DENND5B: variants seen among roughly 807,000 people sequenced by gnomAD.
DENND5B encodes the protein DENN domain-containing protein 5B.
Under a neutral mutation model 140.6 loss-of-function variants are expected in DENND5B, and 34 were observed. That is an observed-to-expected ratio of 0.24 (90% CI 0.18 to 0.32). DENND5B has a LOEUF of 0.32. Ranked by LOEUF, DENND5B falls within the 10% of genes least tolerant of loss-of-function variation. The pLI is 1.00. For missense variants in DENND5B, 1,142 were observed against 1,560.2 expected (o/e 0.73, Z 4.52); for synonymous variants, 551 against 562.1 (o/e 0.98, Z 0.28).
intron 2 of DENND5B, among the ~76,000 whole-genome samples, chr12:31,485,567 A>C (rs569932908): frequency 6.6e-6 from 1 of 152,358 alleles, no homozygotes; most frequent in East Asian, 1.9e-4. Flanking sequence ...ACACGTAAGT[A>C]TGGTTTTGTT....
chr12:31,415,259 A>T, intron 12 of DENND5B, 108 bp downstream of exon 12: 1 of 818,872 alleles, frequency 1.2e-6, no homozygotes, highest in Non-Finnish European at 1.9e-6. Context: ...TTCAGAATAC[A>T]TAAGCCAAAA....
chr12:31,498,778 G>T (rs1324104582), intron 1 of DENND5B, among the ~76,000 whole-genome samples: 1 of 151,976 alleles, frequency 6.6e-6, no homozygotes, highest in Admixed American at 6.6e-5. Flanking sequence ...TTCGAGACCA[G>T]CCTGGCGAAC....
chr12:31,475,411 T>C (rs1289467762), intron 3 of DENND5B, among the ~76,000 whole-genome samples: 2 of 151,998 alleles, frequency 1.3e-5, no homozygotes, highest in Admixed American at 6.6e-5. Flanking sequence ...CTGAAATAAA[T>C]TGGTAGATAT....
intron 1 of DENND5B, among the ~76,000 whole-genome samples, chr12:31,504,457 C>G (rs965374576): frequency 6.6e-6 from 1 of 152,144 alleles, no homozygotes; most frequent in Non-Finnish European, 1.5e-5. Context: ...AATAGGGACC[C>G]CATCCCCAGC....
intron 1 of DENND5B, among the ~76,000 whole-genome samples, chr12:31,587,547 T>TC: frequency 8.8e-6 from 1 of 113,122 alleles, no homozygotes; most frequent in Non-Finnish European, 1.7e-5. Flanking sequence ...TTTTTTTTTT[T>TC]TTTTTTTTTT....
intron 2 of DENND5B, among the ~76,000 whole-genome samples, chr12:31,490,247 G>A (rs562719315): frequency 6.6e-6 from 1 of 152,046 alleles, no homozygotes; most frequent in East Asian, 1.9e-4. Context: ...GCGAGAGGAT[G>A]GGGGTGGCGG....
rs1940787473 is a variant in DENND5B, at chr12:31,384,956, A to G, written c.*2647T>C. The G allele has an allele frequency of 6.7e-6, 1 of 148,422 alleles. No homozygotes were observed. Among genetic ancestry groups the G allele is most frequent in the Non-Finnish European group, 1.5e-5 (1 of 67,202 alleles). The allele number at this position is 148,422 out of a possible 1,614,324, so 9.2% of individuals were successfully genotyped here. ...TAATTTTTGTCTATTTTTTTTTTTTAGTAGAGACGGGGTTTCACCATGTTG... is the reference window on the plus strand; with the variant it reads ...TAATTTTTGTCTATTTTTTTTTTTTGGTAGAGACGGGGTTTCACCATGTTG... On this transcript the variant is annotated 3_prime_UTR_variant, in exon 21 of 21. Transcript: ENST00000389082.
At chr12:31,457,304 T>C (rs1361638243) in intron 4 of DENND5B, among the ~76,000 whole-genome samples, 2 of 152,222 alleles carry the variant, frequency 1.3e-5, no homozygotes, top group African/African-American at 4.8e-5. Flanking sequence ...GTATTACAAA[T>C]GGCTACTTGT....
intron 13 of DENND5B, among the ~76,000 whole-genome samples, chr12:31,410,761 C>T (rs1166561773): frequency 1.3e-5 from 2 of 151,956 alleles, no homozygotes; most frequent in African/African-American, 2.4e-5. Context: ...ATATTTTGTC[C>T]GAGGTCATTC....
At chr12:31,455,880 G>A (rs534622769) in intron 4 of DENND5B, among the ~76,000 whole-genome samples, 25 of 152,146 alleles carry the variant, frequency 1.6e-4, no homozygotes, top group African/African-American at 5.8e-4. Flanking sequence ...TAAGCTGGGC[G>A]TAGTGGCAGG....
At chr12:31,491,751 T>C (rs1213155814) in intron 2 of DENND5B, among the ~76,000 whole-genome samples, 2 of 152,260 alleles carry the variant, frequency 1.3e-5, no homozygotes, top group Non-Finnish European at 2.9e-5. Flanking sequence ...TTATTTCACC[T>C]GTCACTTGTA....
At chr12:31,527,964 T>C (rs537440732) in intron 1 of DENND5B, among the ~76,000 whole-genome samples, 21 of 152,174 alleles carry the variant, frequency 1.4e-4, no homozygotes, top group African/African-American at 4.6e-4. Flanking sequence ...ACAGTCAGTG[T>C]CATGAAAAAC....
rs183357399 is a variant in DENND5B at position 31,393,454 on chromosome 12, G to C, written c.3257-758C>G. Among the ~76,000 whole-genome samples the C allele has an allele frequency of 1.4e-3, 220 of 152,286 alleles. 2 individuals carry two copies. The highest frequency in any genetic ancestry group is 2.5e-3 in the Non-Finnish European group (171 of 68,032). On this transcript the variant is annotated intron_variant, in intron 17 of 20. Transcript: ENST00000389082. ...TTCTAGGCCACTTTCCTGAGGGACA[G>C]GTTGGTGGGCTGCTTGAATGCGACC...
At chr12:31,432,267 G>T in intron 8 of DENND5B, 1 of 222,160 alleles carries the variant, frequency 4.5e-6, no homozygotes, top group Non-Finnish European at 7.5e-6. Context: ...GAGAGGGAAG[G>T]GAAGAAAATA....
chr12:31,501,580 C>T (rs755298001), intron 1 of DENND5B, among the ~76,000 whole-genome samples: 1 of 152,008 alleles, frequency 6.6e-6, no homozygotes, highest in Admixed American at 6.6e-5. Flanking sequence ...TTGAGACCAG[C>T]CTGGCCAACA....
intron 1 of DENND5B, among the ~76,000 whole-genome samples, chr12:31,496,253 A>G (rs964545720): frequency 6.6e-6 from 1 of 152,218 alleles, no homozygotes; most frequent in East Asian, 1.9e-4. Context: ...TTACTTCAGA[A>G]AAGAAAAGTC....
chr12:31,424,442 C>T (rs1213011897), intron 10 of DENND5B, 93 bp downstream of exon 10: 5 of 1,281,318 alleles, frequency 3.9e-6, no homozygotes, highest in Non-Finnish European at 1.0e-6. Context: ...ACAAAAGAGC[C>T]TATTTTTTTT....
At chr12:31,544,873 G>C (rs1387246881) in intron 1 of DENND5B, among the ~76,000 whole-genome samples, 1 of 151,966 alleles carries the variant, frequency 6.6e-6, no homozygotes, top group African/African-American at 2.4e-5. Context: ...AGACTTTAGA[G>C]GAAAGTTCTT....
intron 13 of DENND5B, among the ~76,000 whole-genome samples, chr12:31,409,993 G>A (rs1398593189): frequency 1.3e-5 from 2 of 151,916 alleles, no homozygotes; most frequent in Admixed American, 6.5e-5. Context: ...CTTTAATCTT[G>A]AAAAAATAGA....
Sources: allele counts gnomAD v4.1 joint callset (sites outside exome capture counted in the v4.1 genomes callset), GRCh38; gene constraint gnomAD v4.1.1; transcripts MANE v1.5; gene names NCBI Gene and HGNC (gene_info 2026-07-23, HGNC 2026-07-21).